The following ANKFN1 variants were observed in gnomAD, a reference collection of about 807,000 sequenced individuals.
ANKFN1 encodes ankyrin repeat and fibronectin type III domain containing 1.
ANKFN1 carries 74 observed loss-of-function variants against 108.7 expected under a neutral mutation model. The ratio of observed to expected loss-of-function variants is 0.68; its 90% CI spans 0.56 to 0.83. The LOEUF (loss-of-function observed/expected upper bound fraction) is 0.83. Among genes scored for constraint, ANKFN1 ranks in the 40% least tolerant of loss-of-function variants. ANKFN1 has a pLI of 0.00. For missense variants in ANKFN1, 1,505 were observed against 1,382.3 expected (o/e 1.09, Z -1.41); for synonymous variants, 547 against 516.2 (o/e 1.06, Z -0.81).
In ANKFN1 at chr17:56,492,256, A is replaced by T. The variant is rs1028946147; in HGVS notation, c.2330A>T (p.Asp777Val). ...CGCCTTTCTGCTGTTGTGGAGCTGG[A>T]TTCTCTGAACACCCAACAGTCCCTC... ...YCRLSAVVEL[D>V]SLNTQQSLRE... The change falls in exon 19 of 21, where the codon GAT (aspartate) becomes GTT (valine). Residue 777 changes from aspartate (D) to valine (V), a missense_variant. Physicochemically the swap from Asp to Val is radical, Grantham distance 152. Transcript: ENST00000682825. 2.8e-6 allele frequency: 2 copies of T among 702,448 alleles called. No homozygotes were observed. The highest frequency in any genetic ancestry group is 2.3e-4 in the Middle Eastern group (1 of 4,388). 43.5% of individuals were successfully genotyped at this position (702,448 alleles called of 1,614,324 possible).
chr17:56,489,530 G>T (rs2050964549), intron 18 of ANKFN1, among the ~76,000 whole-genome samples: 1 of 151,546 alleles, frequency 6.6e-6, no homozygotes, highest in East Asian at 1.9e-4. Flanking sequence ...CACTTGTGGT[G>T]CATGGCATGG....
chr17:56,104,974 C>T (rs1347801420), intron 4 of ANKFN1, among the ~76,000 whole-genome samples: 2 of 152,078 alleles, frequency 1.3e-5, no homozygotes, highest in Admixed American at 6.5e-5. Flanking sequence ...ATCTTTGCTC[C>T]CAAGCATGTC....
At chr17:56,329,237 T>C (rs1260129388) in intron 4 of ANKFN1, among the ~76,000 whole-genome samples, 1 of 152,100 alleles carries the variant, frequency 6.6e-6, no homozygotes, top group Non-Finnish European at 1.5e-5. Context: ...CCTGGTGTGG[T>C]TGATGAAATG....
intron 4 of ANKFN1, among the ~76,000 whole-genome samples, chr17:56,053,848 T>C (rs977129439): frequency 1.9e-4 from 29 of 152,262 alleles, no homozygotes; most frequent in African/African-American, 6.0e-4. Flanking sequence ...CCTTAATTAA[T>C]GAGGAAAAAA....
chr17:56,444,423 G>T (rs746374580), intron 10 of ANKFN1, among the ~76,000 whole-genome samples: 10 of 152,040 alleles, frequency 6.6e-5, no homozygotes, highest in Non-Finnish European at 1.3e-4. Flanking sequence ...AACTATGCCT[G>T]TGTATTTTTT....
chr17:56,277,873 G>A (rs899403165), intron 3 of ANKFN1, among the ~76,000 whole-genome samples: 5 of 152,238 alleles, frequency 3.3e-5, no homozygotes, highest in Middle Eastern at 6.8e-3. Context: ...ACAGTATTTC[G>A]AATAATGAGA....
chr17:56,350,879 C>G lies in ANKFN1; in HGVS notation c.302C>G (p.Ser101Cys), dbSNP rs755628674. ...NAAKRLYRNL[S>C]EKLKGSHSSF... The stretch of plus-strand genomic sequence containing the variant: ...GCCAAACGCCTGTACAGGAACCTCT[C>G]TGAGAAACTGAAAGGGAGCCACTCT... The change falls in exon 5 of 21, where the codon TCT becomes TGT. Residue 101 changes from serine to cysteine, a missense_variant. By Grantham distance (112) the Ser-to-Cys change is moderately radical. Coordinates refer to ENST00000682825, the MANE Select transcript of ANKFN1 (RefSeq NM_001370326.1). 6.2e-7 allele frequency: 1 copy of G among 1,613,694 alleles called. No individual in the cohort carries two copies. The highest frequency in any genetic ancestry group is 8.5e-7 in the Non-Finnish European group (1 of 1,179,874).
intron 8 of ANKFN1, among the ~76,000 whole-genome samples, chr17:56,387,959 T>C (rs1438092211): frequency 2.0e-5 from 3 of 152,104 alleles, no homozygotes; most frequent in African/African-American, 4.8e-5. Context: ...TCCAAAGTGA[T>C]ATAGGGGACT....
chr17:56,135,700 T>A (rs1415858461), intron 4 of ANKFN1, among the ~76,000 whole-genome samples: 1 of 152,212 alleles, frequency 6.6e-6, no homozygotes, highest in African/African-American at 2.4e-5. Context: ...ACCTTTGGAA[T>A]CTGTTTTGTG....
chr17:56,493,190 A>C (rs1331767611), intron 19 of ANKFN1, among the ~76,000 whole-genome samples: 1 of 152,216 alleles, frequency 6.6e-6, no homozygotes, highest in African/African-American at 2.4e-5. Flanking sequence ...CCATCAGGGT[A>C]GATAAGAAAT....
chr17:56,165,129 G>A (rs1910029629), intron 1 of ANKFN1, among the ~76,000 whole-genome samples: 1 of 152,222 alleles, frequency 6.6e-6, no homozygotes, highest in South Asian at 2.1e-4. Context: ...GATATTGCTT[G>A]AGTAACTGCT....
At chr17:56,438,305 G>A (rs758224687) in intron 8 of ANKFN1, among the ~76,000 whole-genome samples, 1 of 152,148 alleles carries the variant, frequency 6.6e-6, no homozygotes, top group Non-Finnish European at 1.5e-5. Context: ...GCAGAGGTTG[G>A]AAGATGGGGA....
intron 1 of ANKFN1, among the ~76,000 whole-genome samples, chr17:56,198,275 A>G (rs1353677909): frequency 4.6e-5 from 7 of 152,202 alleles, no homozygotes; most frequent in Admixed American, 4.6e-4. Context: ...AGGTTTTACT[A>G]AAACTACCCT....
intron 19 of ANKFN1, among the ~76,000 whole-genome samples, chr17:56,496,998 A>AT (rs1408093126): frequency 6.6e-6 from 1 of 152,128 alleles, no homozygotes; most frequent in Admixed American, 6.5e-5. Flanking sequence ...TTAAACAGTC[A>AT]TTTTTTGAGT....
chr17:56,104,293 C>G (rs1304366677), intron 4 of ANKFN1, among the ~76,000 whole-genome samples: 2 of 152,190 alleles, frequency 1.3e-5, no homozygotes, highest in Non-Finnish European at 2.9e-5. Flanking sequence ...CTTTTCTAGT[C>G]TATTTCATTT....
intron 17 of ANKFN1, 26 bp downstream of exon 17, chr17:56,480,844 T>C: frequency 1.9e-6 from 3 of 1,607,524 alleles, no homozygotes; most frequent in Non-Finnish European, 2.6e-6. Flanking sequence ...ATTTTTATCT[T>C]CTTTTTTTAT....
rs551854009 is a variant in ANKFN1 at position 56,186,477 on chromosome 17, C to A, written c.-70-26121C>A. ...GTCCAAGCAGCTACTAAGAATTGAT[C>A]AGTCAGTGATTCCAACAACATCCTG... On this transcript the variant is annotated intron_variant, in intron 1 of 20. Transcript: ENST00000682825. Among the ~76,000 whole-genome samples the A allele has an allele frequency of 2.0e-5, 3 of 152,324 alleles. No homozygotes were observed. In the East Asian group the frequency reaches 5.8e-4, roughly 29 times the overall value.
At chr17:56,368,235 T>C (rs2144749040) in intron 6 of ANKFN1, 1 of 872,468 alleles carries the variant, frequency 1.1e-6, no homozygotes, top group Non-Finnish European at 1.5e-6. Flanking sequence ...TCAAGAGGTA[T>C]AAAACACCAT....
intron 3 of ANKFN1, among the ~76,000 whole-genome samples, chr17:56,325,329 A>G (rs1327348342): frequency 6.6e-6 from 1 of 151,910 alleles, no homozygotes; most frequent in Non-Finnish European, 1.5e-5. Flanking sequence ...TCAATCGGCA[A>G]GTCCCACCCC....
Sources: allele counts gnomAD v4.1 joint callset (sites outside exome capture counted in the v4.1 genomes callset), GRCh38; gene constraint gnomAD v4.1.1; transcripts MANE v1.5; gene names NCBI Gene and HGNC (gene_info 2026-07-23, HGNC 2026-07-21).